Variants in MAGI2 observed in about 807,000 individuals in gnomAD.
The protein encoded by MAGI2 is membrane associated guanylate kinase, WW and PDZ domain containing 2.
A neutral mutation model predicts 133.3 loss-of-function variants in MAGI2; 35 were observed. The observed-to-expected ratio is 0.26, with a 90% CI of 0.20 to 0.35. MAGI2 has a LOEUF of 0.35. Ranked by LOEUF, MAGI2 falls within the 10% of genes least tolerant of loss-of-function variation. The pLI, the probability that MAGI2 is intolerant of heterozygous loss-of-function variation, is 1.00. For missense variants in MAGI2, 1,636 were observed against 1,863.4 expected, an observed-to-expected ratio of 0.88 and a Z score of 2.25; for synonymous variants, 729 against 710.6, an observed-to-expected ratio of 1.03 and a Z score of -0.41.
intron 1 of MAGI2, among the ~76,000 whole-genome samples, chr7:79,072,012 C>G (rs2117166402): frequency 6.6e-6 from 1 of 152,238 alleles, no homozygotes; most frequent in Middle Eastern, 3.4e-3. Context: ...CCTGCTAGTA[C>G]AGTCTCTCAT....
chr7:78,301,047 G>A (rs760046930), intron 9 of MAGI2, among the ~76,000 whole-genome samples: 27 of 152,194 alleles, frequency 1.8e-4, no homozygotes, highest in Admixed American at 1.6e-3. Flanking sequence ...AAAGTGAGGT[G>A]TAAGAAGACA....
chr7:78,094,401 C>A (rs1817519154), intron 20 of MAGI2, among the ~76,000 whole-genome samples: 2 of 152,172 alleles, frequency 1.3e-5, no homozygotes, highest in Admixed American at 6.5e-5. Context: ...TGCCTGAATT[C>A]ATCATTATAT....
chr7:78,853,679 C>G (rs1793374418), intron 2 of MAGI2, among the ~76,000 whole-genome samples: 1 of 151,976 alleles, frequency 6.6e-6, no homozygotes, highest in African/African-American at 2.4e-5. Context: ...ATATCCTGCT[C>G]CTGCTCTGAC....
At position 78,675,314 on chromosome 7, in the gene MAGI2, T is replaced by TA. The variant is rs549608133; in HGVS notation, c.419-48076dup. ...GTTTGAATGTGTGATTCCATGTAGT[T>TA]AAAAAAAGAGTAAGAAGGTAAGAAA... On this transcript the variant is annotated intron_variant, in intron 2 of 21. Coordinates refer to ENST00000354212, the MANE Select transcript of MAGI2 (RefSeq NM_012301.4). Among the ~76,000 whole-genome samples the TA allele has an allele frequency of 3.3e-5, 5 of 151,732 alleles. No homozygotes were observed. In the South Asian group the frequency reaches 1.0e-3, roughly 32 times the overall value.
chr7:79,132,732 T>A (rs2129545444), intron 1 of MAGI2, among the ~76,000 whole-genome samples: 1 of 152,296 alleles, frequency 6.6e-6, no homozygotes, highest in South Asian at 2.1e-4. Flanking sequence ...TGTATTGTTT[T>A]TCAGAGAGGT....
chr7:78,953,302 A>G (rs908556638), intron 2 of MAGI2, among the ~76,000 whole-genome samples: 1 of 152,170 alleles, frequency 6.6e-6, no homozygotes. Context: ...CCAAGAGGGC[A>G]GTAAAAACTT....
At chr7:78,923,985 G>T (rs1165593004) in intron 2 of MAGI2, among the ~76,000 whole-genome samples, 1 of 151,974 alleles carries the variant, frequency 6.6e-6, no homozygotes, top group Non-Finnish European at 1.5e-5. Context: ...TCATGATTTG[G>T]CTCTCTGTTT....
chr7:78,654,116 C>T (rs760999010), intron 2 of MAGI2, among the ~76,000 whole-genome samples: 3 of 152,096 alleles, frequency 2.0e-5, no homozygotes, highest in Non-Finnish European at 4.4e-5. Context: ...GTTAATAGCA[C>T]TTACTTTGTG....
chr7:79,093,973 C>T (rs1339744927), intron 1 of MAGI2, among the ~76,000 whole-genome samples: 3 of 152,060 alleles, frequency 2.0e-5, no homozygotes, highest in African/African-American at 7.2e-5. Context: ...CCTCAGCCTC[C>T]CAAAGTGCTG....
intron 6 of MAGI2, among the ~76,000 whole-genome samples, chr7:78,432,940 G>A (rs1799939714): frequency 6.6e-6 from 1 of 151,956 alleles, no homozygotes; most frequent in African/African-American, 2.4e-5. Flanking sequence ...TTACTTTAGT[G>A]AGAAACTTTA....
chr7:79,238,572 T>C (rs1832124819), intron 1 of MAGI2, among the ~76,000 whole-genome samples: 1 of 152,190 alleles, frequency 6.6e-6, no homozygotes, highest in Non-Finnish European at 1.5e-5. Context: ...CATTTTGTAC[T>C]AAGGTGGTTT....
chr7:78,102,925 G>A (rs977799459), intron 20 of MAGI2, among the ~76,000 whole-genome samples: 2 of 152,116 alleles, frequency 1.3e-5, no homozygotes, highest in African/African-American at 2.4e-5. Context: ...CCTACCCGGG[G>A]GGATTCTCTG....
chr7:78,254,097 A>G (rs1164889281), intron 10 of MAGI2: 2 of 152,184 alleles, frequency 1.3e-5, no homozygotes, highest in African/African-American at 4.8e-5. Flanking sequence ...CACAAACCAA[A>G]TGCAAAGACC....
intron 2 of MAGI2, among the ~76,000 whole-genome samples, chr7:78,695,173 C>T (rs749414218): frequency 2.0e-5 from 3 of 151,618 alleles, no homozygotes; most frequent in East Asian, 1.9e-4. Context: ...TGCAGAGAGC[C>T]GAGATCACAC....
chr7:78,017,309 G>A lies in MAGI2; in HGVS notation c.*2006C>T, dbSNP rs2151023938. On this transcript the variant is annotated 3_prime_UTR_variant, in exon 22 of 22. Transcript: ENST00000354212. ...TGGAATGGGATTTAGATGATGTGCT[G>A]TCTTCACAGGTTATGGATTACAGCC... 6.5e-6 allele frequency: 1 copy of A among 152,782 alleles called. No homozygotes were observed. Among genetic ancestry groups the A allele is most frequent in the East Asian group, 1.9e-4 (1 of 5,190 alleles). 9.5% of individuals were successfully genotyped at this position (152,782 alleles called of 1,614,324 possible).
At chr7:78,113,378 C>A (rs1353124433) in intron 20 of MAGI2, among the ~76,000 whole-genome samples, 1 of 152,114 alleles carries the variant, frequency 6.6e-6, no homozygotes, top group Non-Finnish European at 1.5e-5. Flanking sequence ...GACATACATA[C>A]TTACTTAAAA....
intron 6 of MAGI2, among the ~76,000 whole-genome samples, chr7:78,374,836 C>T (rs1860533): frequency 0.82 from 124,300 of 151,880 alleles, 50,967 homozygotes; most frequent in Admixed American, 0.85. Context: ...TCTTCTTTTA[C>T]ATTGTGTTGA....
chr7:79,308,519 G>A (rs527592595), intron 1 of MAGI2, among the ~76,000 whole-genome samples: 2 of 152,282 alleles, frequency 1.3e-5, no homozygotes, highest in Admixed American at 1.3e-4. Context: ...TGCTGGTGCT[G>A]TAATTTCAAC....
chr7:79,291,415 C>G lies in MAGI2; in HGVS notation c.301+161605G>C, dbSNP rs555482329. Among the ~76,000 whole-genome samples, 14 of 152,176 alleles carry G rather than the reference C, an allele frequency of 9.2e-5. No homozygotes were observed. The South Asian group carries it at 1.2e-3, about 14-fold the overall frequency. On this transcript the variant is annotated intron_variant, in intron 1 of 21. Transcript: ENST00000354212. ...CTGTGTGGACATATGCTTTCAATTT[C>G]TTTTGTTATATACCTAAGAGTGGAA...
Sources: gnomAD v4.1 joint callset for allele counts (sites outside exome capture counted in the v4.1 genomes callset) on GRCh38, gnomAD v4.1.1 for gene constraint, MANE v1.5 for transcripts, NCBI Gene and HGNC (gene_info 2026-07-23, HGNC 2026-07-21) for gene names.